MAPK10: variants seen among roughly 807,000 people sequenced by gnomAD.
MAPK10 encodes mitogen-activated protein kinase 10, also known as JNK3 alpha protein kinase.
MAPK10 carries 25 observed loss-of-function variants against 59.3 expected under a neutral mutation model. The observed-to-expected ratio is 0.42, with a 90% CI of 0.31 to 0.59. The LOEUF (loss-of-function observed/expected upper bound fraction) is 0.59. MAPK10 is among the 20% of genes least tolerant of loss of function. The pLI is 0.15. For missense variants in MAPK10, 351 were observed against 568.9 expected, an observed-to-expected ratio of 0.62 and a Z score of 3.90; for synonymous variants, 190 against 200.5, an observed-to-expected ratio of 0.95 and a Z score of 0.44.
intron 1 of MAPK10, among the ~76,000 whole-genome samples, chr4:86,581,907 ATATATATATATATAT>A (rs1762318917): frequency 1.9e-4 from 1 of 5,160 alleles, no homozygotes. Flanking sequence ...TATTATATAT[ATATATATATATATAT>A]ATATATATAT....
chr4:86,128,416 G>A (rs1470215361), intron 4 of MAPK10, among the ~76,000 whole-genome samples: 6 of 152,072 alleles, frequency 3.9e-5, no homozygotes, highest in African/African-American at 1.4e-4. Flanking sequence ...TCTCATGATA[G>A]TGAGTTAGTT....
Position 86,017,202 on chromosome 4 carries a change from G to T in MAPK10, c.*26C>A. The stretch of plus-strand genomic sequence containing the variant: ...TCCATCACATCATCTCCTGAAGAAC[G>T]CTGGGTTTCGCAGGCAGGCGGCTAG... On this transcript the variant is annotated 3_prime_UTR_variant, in exon 14 of 14. Transcript: ENST00000641462. This position sits in a 1 kb window ranked among gnomAD's most constrained non-coding sequence, Gnocchi z 4.4. The T allele has an allele frequency of 6.2e-7, 1 of 1,610,386 alleles. No homozygotes were observed. Among genetic ancestry groups the T allele is most frequent in the African/African-American group, 1.3e-5 (1 of 74,940 alleles).
intron 1 of MAPK10, among the ~76,000 whole-genome samples, chr4:86,471,547 T>G (rs1752664104): frequency 6.6e-6 from 1 of 152,116 alleles, no homozygotes; most frequent in Non-Finnish European, 1.5e-5. Flanking sequence ...CAGAAATACA[T>G]TTTACAGTTT....
At chr4:86,575,698 A>G (rs1008306326) in intron 1 of MAPK10, among the ~76,000 whole-genome samples, 3 of 151,446 alleles carry the variant, frequency 2.0e-5, no homozygotes, top group Non-Finnish European at 4.4e-5. Context: ...GCAGAGTTAC[A>G]TTGATTACTT....
intron 1 of MAPK10, among the ~76,000 whole-genome samples, chr4:86,569,368 A>G (rs980184785): frequency 6.6e-6 from 1 of 152,216 alleles, no homozygotes; most frequent in Admixed American, 6.5e-5. Context: ...AAATTAAGTC[A>G]GCTCCTGTGA....
intron 1 of MAPK10, among the ~76,000 whole-genome samples, chr4:86,380,093 G>A (rs1012914078): frequency 1.3e-5 from 2 of 152,092 alleles, no homozygotes; most frequent in Non-Finnish European, 2.9e-5. Context: ...AGGCATGGTG[G>A]TGCCTATAAT....
chr4:86,565,725 T>C (rs1466495034), intron 1 of MAPK10, among the ~76,000 whole-genome samples: 1 of 152,194 alleles, frequency 6.6e-6, no homozygotes, highest in Non-Finnish European at 1.5e-5. Flanking sequence ...ATTTTGTGCT[T>C]ATCTCAACTC....
chr4:86,256,356 T>A (rs979676721), intron 2 of MAPK10, among the ~76,000 whole-genome samples: 4 of 152,198 alleles, frequency 2.6e-5, no homozygotes, highest in African/African-American at 9.7e-5. Context: ...TACAGAGTTA[T>A]AGCTACAATG....
chr4:86,328,001 C>T (rs955065616), intron 2 of MAPK10, among the ~76,000 whole-genome samples: 3 of 151,860 alleles, frequency 2.0e-5, no homozygotes, highest in Non-Finnish European at 2.9e-5. Flanking sequence ...ATAAAATCTT[C>T]CTATGGTTTG....
At chr4:86,211,820 A>G (rs904756740) in intron 2 of MAPK10, among the ~76,000 whole-genome samples, 12 of 152,154 alleles carry the variant, frequency 7.9e-5, no homozygotes, top group Non-Finnish European at 1.3e-4. Context: ...GATTAAGGAC[A>G]AAGCTGGAAA....
chr4:86,481,238 C>G (rs1753583737), intron 1 of MAPK10, among the ~76,000 whole-genome samples: 2 of 152,080 alleles, frequency 1.3e-5, no homozygotes, highest in African/African-American at 4.8e-5. Context: ...GCTTCTATGA[C>G]TTGCTTGGGG....
intron 3 of MAPK10, 188 bp downstream of exon 3, chr4:86,194,148 G>A (rs1448025016): frequency 3.5e-6 from 2 of 578,870 alleles, no homozygotes; most frequent in African/African-American, 3.7e-5. Flanking sequence ...CTCGTCTTCT[G>A]CGTTGATCTT....
At chr4:86,023,845 ATATAT>A (rs1748734263) in intron 13 of MAPK10, 3 of 134,528 alleles carry the variant, frequency 2.2e-5, no homozygotes, top group East Asian at 2.5e-4. Context: ...ATATATATAT[ATATAT>A]AAAATGAATG....
intron 13 of MAPK10, chr4:86,027,428 A>T (rs1399843136): frequency 6.6e-6 from 1 of 152,228 alleles, no homozygotes; most frequent in Non-Finnish European, 1.5e-5. Context: ...CAAAATGAAT[A>T]AATCAAACAC....
rs1742597353 is a variant in MAPK10 at position 86,014,664 on chromosome 4, T to C, written c.*2564A>G. 1 of 152,158 alleles carries C rather than the reference T, an allele frequency of 6.6e-6. No individual in the cohort carries two copies. The highest frequency in any genetic ancestry group is 1.5e-5 in the Non-Finnish European group (1 of 68,042). 9.4% of individuals were successfully genotyped at this position (152,158 alleles called of 1,614,324 possible). A position where few individuals can be genotyped will look rare whatever the true frequency, so the allele number is the denominator to read the frequency against. On this transcript the variant is annotated 3_prime_UTR_variant, in exon 14 of 14. Coordinates refer to ENST00000641462, the MANE Select transcript of MAPK10 (RefSeq NM_138982.4). ...GCTCCCAAGAGCCATGCACAGAAGA[T>C]GTAAGACTAATTGAGCTTTGGGAAG... is the stretch of plus-strand genomic sequence containing the variant.
At chr4:86,381,555 T>C (rs1380969856) in intron 1 of MAPK10, among the ~76,000 whole-genome samples, 1 of 152,132 alleles carries the variant, frequency 6.6e-6, no homozygotes, top group East Asian at 1.9e-4. Flanking sequence ...CACTGCAGGA[T>C]ACTGGAAGGC....
intron 10 of MAPK10, among the ~76,000 whole-genome samples, chr4:86,067,182 TCTAG>T (rs1220595827): frequency 6.6e-6 from 1 of 152,116 alleles, no homozygotes; most frequent in Non-Finnish European, 1.5e-5. Flanking sequence ...TCACTCTATC[TCTAG>T]GCTGGAATGC....
chr4:86,530,958 AG>A (rs1453823911), intron 1 of MAPK10, among the ~76,000 whole-genome samples: 1 of 152,220 alleles, frequency 6.6e-6, no homozygotes, highest in African/African-American at 2.4e-5. Flanking sequence ...AGGACTTCTC[AG>A]GGCTGCCTAG....
rs184344030 is a variant in MAPK10, at chr4:86,067,139, A to C, written c.985+634T>G. On this transcript the variant is annotated intron_variant, in intron 10 of 13. Coordinates refer to ENST00000641462, the MANE Select transcript of MAPK10 (RefSeq NM_138982.4). ...AAATTGGAATTACATTATGAAGTATAATATATATCTATTTTTTGAGACGGA... is the reference window on the plus strand; with the variant it reads ...AAATTGGAATTACATTATGAAGTATCATATATATCTATTTTTTGAGACGGA... Among the ~76,000 whole-genome samples, 38 of 152,246 alleles carry C rather than the reference A, an allele frequency of 2.5e-4. No individual in the cohort carries two copies. The East Asian group carries it at 6.6e-3, about 26-fold the overall frequency.
Sources: allele counts gnomAD v4.1 joint callset (sites outside exome capture counted in the v4.1 genomes callset), GRCh38; gene constraint gnomAD v4.1.1; non-coding constraint Gnocchi (gnomAD v3.1); transcripts MANE v1.5; gene names NCBI Gene and HGNC (gene_info 2026-07-23, HGNC 2026-07-21).